Variants in ARFGAP1 observed in about 807,000 individuals in gnomAD.
ARFGAP1 encodes the protein ARF GTPase activating protein 1.
Under a neutral mutation model 54.0 loss-of-function variants are expected in ARFGAP1, and 26 were observed. That is an observed-to-expected ratio of 0.48 (90% CI 0.35 to 0.67). The LOEUF (loss-of-function observed/expected upper bound fraction) is 0.67. Ranked by LOEUF, ARFGAP1 falls within the 30% of genes least tolerant of loss-of-function variation. The pLI is 0.00. For synonymous variants in ARFGAP1, 248 were observed against 211.9 expected (o/e 1.17, Z -1.48); for missense variants, 525 against 535.8 (o/e 0.98, Z 0.20).
In ARFGAP1 at chr20:63,277,178, C is replaced by G. The variant is rs1429247805; in HGVS notation, c.343-27C>G. ...GGGCATCGCCAGGCGCCTTTATGCT[C>G]TCGAATGCCCTGTGTCTCCTTGTCA... On this transcript the variant is annotated intron_variant, in intron 4 of 12. Coordinates refer to ENST00000370283, the MANE Select transcript of ARFGAP1 (RefSeq NM_018209.4). The G allele has an allele frequency of 3.1e-6, 5 of 1,601,372 alleles. No individual in the cohort carries two copies. In the African/African-American group the frequency reaches 5.4e-5, roughly 17 times the overall value.
At position 63,278,994 on chromosome 20, in the gene ARFGAP1, C is replaced by T. The variant is rs375179520; in HGVS notation, c.626C>T (p.Ser209Leu). The change falls in exon 7 of 13, where the codon TCG becomes TTG. Residue 209 changes from serine to leucine, a missense_variant and splice_region_variant. Physicochemically the swap from Ser to Leu is moderately radical, Grantham distance 145 (BLOSUM62 -2). This residue lies in a region of ARFGAP1 where 466 missense variants were observed against 453.6 expected (regional missense o/e 1.03). Coordinates refer to ENST00000370283, the MANE Select transcript of ARFGAP1 (RefSeq NM_018209.4). ...AACAACGCCATGTCCTCCCTGTACT[C>T]GGTGAGGACTTGGCCCTGCAGAGCA... ...FLNNAMSSLY[S>L]GWSSFTTGAS... 7 of 1,613,868 alleles carry T rather than the reference C, an allele frequency of 4.3e-6. No homozygotes were observed. The East Asian group carries it at 6.7e-5, about 15-fold the overall frequency.
chr20:63,284,303 C>T (rs1455042912), intron 9 of ARFGAP1: 2 of 1,080,604 alleles, frequency 1.9e-6, no homozygotes, highest in African/African-American at 3.3e-5. Context: ...CCTTTCCGGC[C>T]TTTGATCCGT....
intron 12 of ARFGAP1, among the ~76,000 whole-genome samples, chr20:63,287,116 T>C (rs919378363): frequency 2.0e-5 from 3 of 152,258 alleles, no homozygotes; most frequent in African/African-American, 7.2e-5. Flanking sequence ...GCCATGTCCC[T>C]TCTCTCCCTC....
chr20:63,284,266 G>C (rs2041631159), intron 9 of ARFGAP1: 1 of 1,136,594 alleles, frequency 8.8e-7, no homozygotes, highest in African/African-American at 1.6e-5. Context: ...GCAAAGGGGA[G>C]GATCTTTGCT....
chr20:63,284,428 T>A, intron 9 of ARFGAP1: 1 of 1,080,276 alleles, frequency 9.3e-7, no homozygotes, highest in Non-Finnish European at 1.1e-6. Context: ...TCTCAGCAGC[T>A]TCTTCCTATG....
Position 63,285,707 on chromosome 20 carries a change from G to A in ARFGAP1, c.828G>A (p.Ala276=), listed in dbSNP as rs947890983. 26 of 1,613,402 alleles carry A rather than the reference G, an allele frequency of 1.6e-5. No individual in the cohort carries two copies. Among genetic ancestry groups the A allele is most frequent in the East Asian group, 1.1e-4 (5 of 44,896 alleles). ...DDVSSGVSQL[A]SKVQGVGSKG... Reference sequence around the variant, plus strand: ...TCTCCAGTGGGGTCTCTCAGTTGGCGTCCAAGGTAGGGAGCCTGCCAGATA... The same window carrying A: ...TCTCCAGTGGGGTCTCTCAGTTGGCATCCAAGGTAGGGAGCCTGCCAGATA... The change falls in exon 11 of 13, where the codon GCG becomes GCA. Residue 276 remains alanine, a synonymous_variant. Transcript: ENST00000370283.
chr20:63,287,162 G>A (rs1317406474), intron 12 of ARFGAP1, among the ~76,000 whole-genome samples: 2 of 152,282 alleles, frequency 1.3e-5, no homozygotes, highest in Non-Finnish European at 2.9e-5. Context: ...GATTGCAGCT[G>A]AGGACAGAGG....
At chr20:63,277,066 G>C in intron 4 of ARFGAP1, 139 bp from the exon 5 acceptor site, 1 of 664,276 alleles carries the variant, frequency 1.5e-6, no homozygotes, top group Non-Finnish European at 2.6e-6. Context: ...ACCTGAGCAG[G>C]GGCCGTCGAG....
Position 63,277,188 on chromosome 20 carries a change from CTG to C in ARFGAP1, c.343-13_343-12del, listed in dbSNP as rs756148907. The C allele has an allele frequency of 1.9e-6, 3 of 1,608,946 alleles. No individual in the cohort carries two copies. Among genetic ancestry groups the C allele is most frequent in the African/African-American group, 2.7e-5 (2 of 74,914 alleles). ...AGGCGCCTTTATGCTCTCGAATGCC[CTG>C]TGTCTCCTTGTCAGGTGGTCGCTCT... On this transcript the variant is annotated splice_polypyrimidine_tract_variant and intron_variant, in intron 4 of 12. Coordinates refer to ENST00000370283, the MANE Select transcript of ARFGAP1 (RefSeq NM_018209.4).
chr20:63,282,658 A>T (rs988019217), intron 8 of ARFGAP1, among the ~76,000 whole-genome samples, 161 bp from the exon 9 acceptor site: 1 of 152,182 alleles, frequency 6.6e-6, no homozygotes, highest in Non-Finnish European at 1.5e-5. Context: ...TCTCTGCTGC[A>T]GCTCTTCTGG....
chr20:63,283,573 G>C (rs547912282), intron 9 of ARFGAP1: 1 of 479,056 alleles, frequency 2.1e-6, no homozygotes, highest in Non-Finnish European at 3.7e-6. Flanking sequence ...TCCTCTCTGA[G>C]GGAGTCTCCC....
chr20:63,278,238 G>A, intron 6 of ARFGAP1, 35 bp downstream of exon 6: 1 of 1,605,806 alleles, frequency 6.2e-7, no homozygotes, highest in Non-Finnish European at 8.5e-7. Context: ...CCTGGCGTGG[G>A]CCAGGCCCAC....
intron 9 of ARFGAP1, chr20:63,283,939 T>A: frequency 6.2e-7 from 1 of 1,607,930 alleles, no homozygotes; most frequent in Non-Finnish European, 8.5e-7. Flanking sequence ...TGTGCTTGGC[T>A]TCCTCTGTCC....
chr20:63,275,688 G>A, intron 2 of ARFGAP1, 48 bp downstream of exon 2: 2 of 1,578,230 alleles, frequency 1.3e-6, no homozygotes. Flanking sequence ...GTCAGGGTCA[G>A]TGAGTTCCGG....
intron 12 of ARFGAP1, 119 bp from the exon 13 acceptor site, chr20:63,287,445 C>A: frequency 1.1e-6 from 1 of 937,140 alleles, no homozygotes; most frequent in Non-Finnish European, 1.5e-6. Flanking sequence ...TGCTGTGGAC[C>A]CTGAGCGCTG....
chr20:63,275,095 T>C (rs1465498008), intron 1 of ARFGAP1, among the ~76,000 whole-genome samples: 6 of 152,036 alleles, frequency 3.9e-5, no homozygotes, highest in Non-Finnish European at 5.9e-5. Flanking sequence ...CTGCACTGCG[T>C]TGGGAAGGTG....
chr20:63,279,216 T>A lies in ARFGAP1; in HGVS notation c.627+221T>A, dbSNP rs1016058098. On this transcript the variant is annotated intron_variant, in intron 7 of 12. Coordinates refer to ENST00000370283, the MANE Select transcript of ARFGAP1 (RefSeq NM_018209.4). ...ATCACTTCCTTTTTTTTTTTTTTTTTAAGACGGAGTCTTGCTTTGTCGCCC... is the reference window on the plus strand; with the variant it reads ...ATCACTTCCTTTTTTTTTTTTTTTTAAAGACGGAGTCTTGCTTTGTCGCCC... 8.7e-5 allele frequency: 53 copies of A among 608,122 alleles called. 1 individual carries two copies. Among genetic ancestry groups the A allele is most frequent in the Middle Eastern group, 4.2e-4 (1 of 2,358 alleles). 37.7% of individuals were successfully genotyped at this position (608,122 alleles called of 1,614,324 possible).
rs546619815 is a variant in ARFGAP1, at chr20:63,288,389, G to A, written c.*516G>A. ...GATACTGGCGCTCACGCTGCCATCCGACCACCCTCGGCTCCCGAGTCCACG... is the reference window on the plus strand; with the variant it reads ...GATACTGGCGCTCACGCTGCCATCCAACCACCCTCGGCTCCCGAGTCCACG... On this transcript the variant is annotated 3_prime_UTR_variant, in exon 13 of 13. Transcript: ENST00000370283. 2.2e-5 allele frequency: 10 copies of A among 456,304 alleles called. No homozygotes were observed. Among genetic ancestry groups the A allele is most frequent in the East Asian group, 2.1e-4 (3 of 14,414 alleles). The allele number at this position is 456,304 out of a possible 1,614,324, so 28.3% of individuals were successfully genotyped here. A position where few individuals can be genotyped will look rare whatever the true frequency, so the allele number is the denominator to read the frequency against.
rs1318424956 is a variant in ARFGAP1 at position 63,288,649 on chromosome 20, C to T, written c.*776C>T. The T allele has an allele frequency of 1.3e-5, 5 of 388,134 alleles. No individual in the cohort carries two copies. The highest frequency in any genetic ancestry group is 7.3e-5 in the East Asian group (1 of 13,692). The allele number at this position is 388,134 out of a possible 1,614,324, so 24.0% of individuals were successfully genotyped here. On this transcript the variant is annotated 3_prime_UTR_variant, in exon 13 of 13. Transcript: ENST00000370283. ...TGATGCAGGAGGGTGCGATAGCGGA[C>T]GTGGCCAGGCAGGAGGGGCCGGGTT...
Sources: allele counts gnomAD v4.1 joint callset (sites outside exome capture counted in the v4.1 genomes callset), GRCh38; gene constraint gnomAD v4.1.1; regional missense constraint gnomAD v4.1.1; transcripts MANE v1.5; gene names NCBI Gene and HGNC (gene_info 2026-07-23, HGNC 2026-07-21).